CFAP43: variants seen among roughly 807,000 people sequenced by gnomAD.
The protein encoded by CFAP43 is cilia and flagella associated protein 43.
CFAP43 carries 155 observed loss-of-function variants against 218.9 expected under a neutral mutation model. That is an observed-to-expected ratio of 0.71 (90% CI 0.62 to 0.81). The LOEUF (loss-of-function observed/expected upper bound fraction) is 0.81. Ranked by LOEUF, CFAP43 falls within the 30% of genes least tolerant of loss-of-function variation. The probability of loss-of-function intolerance (pLI) is 0.00; values close to 1 mark genes in which losing one functional copy is unlikely to be tolerated. For synonymous variants in CFAP43, 645 were observed against 681.3 expected, an observed-to-expected ratio of 0.95 and a Z score of 0.83; for missense variants, 1,778 against 1,954.3, an observed-to-expected ratio of 0.91 and a Z score of 1.70.
intron 3 of CFAP43, among the ~76,000 whole-genome samples, chr10:104,221,226 T>C (rs2091171751): frequency 6.6e-6 from 1 of 152,136 alleles, no homozygotes; most frequent in African/African-American, 2.4e-5. Flanking sequence ...CCGCCCACCT[T>C]GGCCTCCCAA....
intron 27 of CFAP43, 86 bp from the exon 28 acceptor site, chr10:104,152,812 G>A: frequency 1.4e-6 from 2 of 1,445,668 alleles, no homozygotes; most frequent in South Asian, 2.7e-5. Context: ...ACAAGGGAGG[G>A]GCAGATGGAG....
At position 104,207,668 on chromosome 10, in the gene CFAP43, A is replaced by G; in HGVS notation, c.892T>C (p.Leu298=). ...VLNKIEEESP[L]DRRNFISPVT... is the part of the protein sequence containing the mutation. ...ATGAAGTAGGACAGTTTCTTACCCAATGGCGATTCCTCTTCTATCTTATTA... is the reference window on the plus strand; with the variant it reads ...ATGAAGTAGGACAGTTTCTTACCCAGTGGCGATTCCTCTTCTATCTTATTA... Residue 298 remains leucine (L), a synonymous_variant, in exon 6 of 38, where the codon TTG becomes CTG. Transcript: ENST00000357060. 1.9e-6 allele frequency: 3 copies of G among 1,612,704 alleles called. No individual in the cohort carries two copies. Among genetic ancestry groups the G allele is most frequent in the Non-Finnish European group, 2.5e-6 (3 of 1,179,430 alleles).
At chr10:104,148,022 G>T in intron 28 of CFAP43, 24 bp from the exon 29 acceptor site, 1 of 1,495,744 alleles carries the variant, frequency 6.7e-7, no homozygotes, top group East Asian at 2.3e-5. Flanking sequence ...TAAGAAAAAG[G>T]TTGGTGGAAT....
At chr10:104,193,340 A>G (rs1244288540) in intron 11 of CFAP43, 1 of 152,378 alleles carries the variant, frequency 6.6e-6, no homozygotes, top group East Asian at 1.9e-4. Context: ...GAAAAAAGAA[A>G]TGAGGCATTG....
chr10:104,169,224 T>C lies in CFAP43; in HGVS notation c.2587-376A>G, dbSNP rs1310151327. ...TGGAACAGCAGGGAAGCAAAACCAC[T>C]GAGCGAAGTCTTCCTGTTTTATTAG... On this transcript the variant is annotated intron_variant, in intron 20 of 37. Transcript: ENST00000357060. 2.6e-5 allele frequency among the ~76,000 whole-genome samples: 4 copies of C among 152,354 alleles called. No homozygotes were observed. In the South Asian group the frequency reaches 6.2e-4, roughly 24 times the overall value.
intron 8 of CFAP43, among the ~76,000 whole-genome samples, chr10:104,201,801 A>G (rs903106035): frequency 1.3e-5 from 2 of 151,970 alleles, no homozygotes; most frequent in African/African-American, 4.8e-5. Flanking sequence ...CCCACCTGGG[A>G]TCATTTTCCT....
chr10:104,177,760 A>G (rs1175715686), intron 19 of CFAP43, among the ~76,000 whole-genome samples: 2 of 152,224 alleles, frequency 1.3e-5, no homozygotes, highest in Admixed American at 6.5e-5. Context: ...AAAGATAAAA[A>G]TCTGGTTACC....
intron 34 of CFAP43, among the ~76,000 whole-genome samples, chr10:104,137,588 G>A (rs59906898): frequency 1.0e-3 from 153 of 152,090 alleles, no homozygotes; most frequent in African/African-American, 3.6e-3. Context: ...CAGGAGGATC[G>A]CTTGAGCCCA....
Position 104,172,427 on chromosome 10 carries a change from G to A in CFAP43, c.2569C>T (p.Gln857Ter), listed in dbSNP as rs2089449450. Residue 857 changes from glutamine (Q) to a stop codon, truncating the protein, a stop_gained, in exon 20 of 38, where the codon CAG becomes TAG. Coordinates refer to ENST00000357060, the MANE Select transcript of CFAP43 (RefSeq NM_025145.7). LOFTEE classifies it high-confidence loss of function. Reference sequence around the variant, plus strand: ...TTTCATACCTTTGCCACTTCTTCCTGACTTTCATCATGAAGCCTTTCTAGT... The same window carrying A: ...TTTCATACCTTTGCCACTTCTTCCTAACTTTCATCATGAAGCCTTTCTAGT... ...EELERLHDES[Q>*]EEVAKMIKDV... 2 of 1,607,288 alleles carry A rather than the reference G, an allele frequency of 1.2e-6. No individual in the cohort carries two copies. Among genetic ancestry groups the A allele is most frequent in the South Asian group, 1.1e-5 (1 of 89,116 alleles).
chr10:104,201,612 GC>G (rs541053175), intron 8 of CFAP43, among the ~76,000 whole-genome samples: 3 of 150,120 alleles, frequency 2.0e-5, no homozygotes, highest in African/African-American at 4.9e-5. Flanking sequence ...ACCCTGCTCT[GC>G]CCCCCCCAAC....
chr10:104,200,193 T>A (rs1371007429), intron 8 of CFAP43, among the ~76,000 whole-genome samples: 1 of 152,170 alleles, frequency 6.6e-6, no homozygotes, highest in Non-Finnish European at 1.5e-5. Flanking sequence ...CATAGACATA[T>A]AGCTTAGAAG....
At chr10:104,187,137 T>C (rs554455058) in intron 14 of CFAP43, among the ~76,000 whole-genome samples, 183 bp downstream of exon 14, 3 of 152,332 alleles carry the variant, frequency 2.0e-5, no homozygotes, top group Non-Finnish European at 4.4e-5. Context: ...TGCTCAAATA[T>C]ATTGTATGAT....
At chr10:104,168,961 T>C in intron 20 of CFAP43, 113 bp from the exon 21 acceptor site, 1 of 821,080 alleles carries the variant, frequency 1.2e-6, no homozygotes, top group Non-Finnish European at 2.0e-6. Flanking sequence ...AGTGGTAGAG[T>C]TTGTCTTTCT....
chr10:104,205,212 C>CAAAAAAAAAAAAAAAAAAAAAAAAAA (rs71022723), intron 7 of CFAP43, among the ~76,000 whole-genome samples: 8 of 56,564 alleles, frequency 1.4e-4, no homozygotes, highest in East Asian at 5.0e-4. Flanking sequence ...GACTCCGTCT[C>CAAAAAAAAAAAAAAAAAAAAAAAAAA]AAAAAAAAAA....
intron 27 of CFAP43, among the ~76,000 whole-genome samples, chr10:104,154,370 A>C (rs950956318): frequency 3.3e-5 from 5 of 152,248 alleles, no homozygotes; most frequent in Non-Finnish European, 5.9e-5. Flanking sequence ...TTTAGCAAAA[A>C]TAATAGAGGC....
At chr10:104,197,124 A>G (rs2090402512) in intron 9 of CFAP43, among the ~76,000 whole-genome samples, 191 bp from the exon 10 acceptor site, 1 of 152,210 alleles carries the variant, frequency 6.6e-6, no homozygotes, top group Non-Finnish European at 1.5e-5. Flanking sequence ...TATTATCTTT[A>G]ATGCAATTTA....
chr10:104,207,171 T>A (rs1270530555), intron 6 of CFAP43, among the ~76,000 whole-genome samples: 1 of 150,458 alleles, frequency 6.6e-6, no homozygotes, highest in Non-Finnish European at 1.5e-5. Context: ...AGACTCTGTC[T>A]AAAAAAAAAC....
At chr10:104,218,698 C>T in intron 3 of CFAP43, 1 of 493,492 alleles carries the variant, frequency 2.0e-6, no homozygotes, top group Non-Finnish European at 4.1e-6. Flanking sequence ...TGATCTCTTT[C>T]ATGCAAGCCC....
intron 10 of CFAP43, among the ~76,000 whole-genome samples, chr10:104,195,724 G>T (rs2090364289): frequency 6.6e-6 from 1 of 152,104 alleles, no homozygotes; most frequent in African/African-American, 2.4e-5. Context: ...TTGTTTCTTG[G>T]TCCTTTTAAA....
Sources: gnomAD v4.1 joint callset for allele counts (sites outside exome capture counted in the v4.1 genomes callset) on GRCh38, gnomAD v4.1.1 for gene constraint, MANE v1.5 for transcripts, NCBI Gene and HGNC (gene_info 2026-07-23, HGNC 2026-07-21) for gene names.